The following APEH variants were observed in gnomAD, a reference collection of about 807,000 sequenced individuals.
APEH encodes acylaminoacyl-peptide hydrolase, also known as acylamino-acid-releasing enzyme.
APEH carries 75 observed loss-of-function variants against 102.7 expected under a neutral mutation model. The ratio of observed to expected loss-of-function variants is 0.73; its 90% CI spans 0.61 to 0.89. APEH has a LOEUF of 0.89. Among genes scored for constraint, APEH ranks in the 40% least tolerant of loss-of-function variants. The pLI is 0.00. For missense variants in APEH, 863 were observed against 941.2 expected (o/e 0.92, Z 1.09); for synonymous variants, 344 against 362.7 (o/e 0.95, Z 0.59).
In APEH at chr3:49,674,487, A is replaced by G; in HGVS notation, c.13-2A>G. 1 of 1,571,012 alleles carries G rather than the reference A, an allele frequency of 6.4e-7. No homozygotes were observed. The highest frequency in any genetic ancestry group is 8.6e-7 in the Non-Finnish European group (1 of 1,164,852). On this transcript the variant is annotated splice_acceptor_variant, in intron 1 of 21. Transcript: ENST00000296456. LOFTEE classifies it high-confidence loss of function. ...CCTGACCCTGGTGTGTCCCCTGCGC[A>G]GGTGCTGCTGAGCGAGCCCGAGGAG...
At chr3:49,680,475 T>C (rs2053267754) in intron 13 of APEH, 66 bp from the exon 14 acceptor site, 1 of 1,428,590 alleles carries the variant, frequency 7.0e-7, no homozygotes, top group African/African-American at 1.4e-5. Context: ...GGGACTCTGT[T>C]ACAGAGAAGC....
chr3:49,681,117 C>T lies in APEH; in HGVS notation c.1316C>T (p.Pro439Leu). ...CCTTGGCAGAAAGTTGGGTTCCTGC[C>T]TTCTGCAGGGAAGGAGCAGTCAGTG... ...LPPTLKVGFL[P>L]SAGKEQSVLW... Residue 439 changes from proline (P) to leucine (L), a missense_variant, in exon 15 of 22, where the codon CCT becomes CTT. Transcript: ENST00000296456. 1 of 1,592,820 alleles carries T rather than the reference C, an allele frequency of 6.3e-7. No homozygotes were observed. The highest frequency in any genetic ancestry group is 8.6e-7 in the Non-Finnish European group (1 of 1,168,896).
rs2053429411 is a variant in APEH, at chr3:49,683,119, C to T, written c.2066C>T (p.Ala689Val). The change falls in exon 21 of 22, where the codon GCC (alanine) becomes GTC (valine). Residue 689 changes from alanine to valine, a missense_variant. Coordinates refer to ENST00000296456, the MANE Select transcript of APEH (RefSeq NM_001640.4). ...AAGCAGGGCATGGAGTATTACCGTG[C>T]CCTCAAGACCCGGAATGTGCCTGTT... Reference protein sequence around the residue: ...PFKQGMEYYRALKTRNVPVRL... With the variant: ...PFKQGMEYYRVLKTRNVPVRL... 1 of 1,613,988 alleles carries T rather than the reference C, an allele frequency of 6.2e-7. No individual in the cohort carries two copies. The highest frequency in any genetic ancestry group is 8.5e-7 in the Non-Finnish European group (1 of 1,180,038).
chr3:49,679,663 A>C lies in APEH; in HGVS notation c.1210+19A>C. 2.5e-6 allele frequency: 4 copies of C among 1,612,542 alleles called. No individual in the cohort carries two copies. Among genetic ancestry groups the C allele is most frequent in the Non-Finnish European group, 3.4e-6 (4 of 1,178,846 alleles). ...ACAGCTGGTGAGCAAGGCTTTGGGG[A>C]TGGGGGTAAGGGCAGGGCTGGTGAG... On this transcript the variant is annotated intron_variant, in intron 13 of 21. Transcript: ENST00000296456. This position sits in a 1 kb window ranked among gnomAD's most constrained non-coding sequence, Gnocchi z 4.3.
intron 11 of APEH, 112 bp downstream of exon 11, chr3:49,677,745 C>A: frequency 9.3e-7 from 1 of 1,076,728 alleles, no homozygotes; most frequent in South Asian, 1.3e-5. Context: ...AGGGCCCTAC[C>A]TCCCTGCTGG....
intron 11 of APEH, among the ~76,000 whole-genome samples, chr3:49,678,139 C>T (rs894049882): frequency 3.3e-5 from 5 of 152,152 alleles, no homozygotes; most frequent in African/African-American, 9.7e-5. Context: ...GAGAGGCTCC[C>T]GTCTCGAGTG....
rs2960548 is a variant in APEH, at chr3:49,682,960, C to T, written c.1986+15C>T. The T allele has an allele frequency of 1.7e-5, 27 of 1,611,808 alleles. No individual in the cohort carries two copies. The highest frequency in any genetic ancestry group is 2.3e-5 in the Non-Finnish European group (27 of 1,178,794). ...ACATCCCTCAGGTATGCAGCCCCCT[C>T]CTTGCCCTGTGTGCTGCCCATCCAT... On this transcript the variant is annotated intron_variant, in intron 20 of 21. Coordinates refer to ENST00000296456, the MANE Select transcript of APEH (RefSeq NM_001640.4).
chr3:49,682,019 G>A (rs751991912), intron 17 of APEH, 52 bp downstream of exon 17: 2 of 1,564,746 alleles, frequency 1.3e-6, no homozygotes, highest in East Asian at 2.2e-5. Flanking sequence ...GAGTGACGGG[G>A]GTGGACCTGG....
At position 49,679,024 on chromosome 3, in the gene APEH, G is replaced by C; in HGVS notation, c.1158+75G>C. ...GGAGCCCTGGGGGTTGCATGTGCAT[G>C]CCCCTGGGTGGAATGCCCAGCCACA... On this transcript the variant is annotated intron_variant, in intron 12 of 21. Transcript: ENST00000296456. This position sits in a 1 kb window ranked among gnomAD's most constrained non-coding sequence, Gnocchi z 4.3. 1 of 1,215,408 alleles carries C rather than the reference G, an allele frequency of 8.2e-7. No individual in the cohort carries two copies. The highest frequency in any genetic ancestry group is 1.2e-6 in the Non-Finnish European group (1 of 841,280). 75.3% of individuals were successfully genotyped at this position (1,215,408 alleles called of 1,614,324 possible).
chr3:49,680,652 C>G lies in APEH; in HGVS notation c.1299+23C>G, dbSNP rs200703701. ...CTGGTGAGTGTCGGTGGGTCCCAGGCTGTGGAGGCAGGGGTTCTGGGCAGG... is the reference window on the plus strand; with the variant it reads ...CTGGTGAGTGTCGGTGGGTCCCAGGGTGTGGAGGCAGGGGTTCTGGGCAGG... On this transcript the variant is annotated intron_variant, in intron 14 of 21. Transcript: ENST00000296456. The G allele has an allele frequency of 4.9e-4, 781 of 1,605,140 alleles. 4 individuals are homozygous for G. In the African/African-American group the frequency reaches 9.2e-3, roughly 19 times the overall value.
intron 12 of APEH, 32 bp downstream of exon 12, chr3:49,678,981 CCCTGT>C (rs1372839150): frequency 6.3e-7 from 1 of 1,583,954 alleles, no homozygotes; most frequent in South Asian, 1.1e-5. Context: ...GAGGGGCAGC[CCCTGT>C]GGTCAACCCC....
In APEH at chr3:49,683,359, A is replaced by G. The variant is rs934747891; in HGVS notation, c.*17A>G. On this transcript the variant is annotated 3_prime_UTR_variant, in exon 22 of 22. Coordinates refer to ENST00000296456, the MANE Select transcript of APEH (RefSeq NM_001640.4). ...GGCAGCTGAAGCCCTGCCATTCTGC[A>G]TGAGCTGATCAGCCTGTGCCACACT... is the stretch of plus-strand genomic sequence containing the variant. 6.3e-7 allele frequency: 1 copy of G among 1,594,196 alleles called. No homozygotes were observed. Among genetic ancestry groups the G allele is most frequent in the African/African-American group, 1.3e-5 (1 of 74,604 alleles).
At chr3:49,676,020 C>A in intron 5 of APEH, 36 bp from the exon 6 acceptor site, 5 of 1,614,162 alleles carry the variant, frequency 3.1e-6, no homozygotes, top group Non-Finnish European at 4.2e-6. Flanking sequence ...TAGCCGTAGC[C>A]CTGGGCCCCC....
chr3:49,680,989 G>A, intron 14 of APEH, 112 bp from the exon 15 acceptor site: 1 of 1,347,768 alleles, frequency 7.4e-7, no homozygotes, highest in Non-Finnish European at 1.0e-6. Context: ...GTACCTTCTG[G>A]AGGTGGGTAG....
chr3:49,674,680 G>T, intron 2 of APEH, 59 bp downstream of exon 2: 1 of 1,572,386 alleles, frequency 6.4e-7, no homozygotes, highest in Admixed American at 1.8e-5. Flanking sequence ...TGGGAAGGAA[G>T]GGGGTGTGGA....
At position 49,675,261 on chromosome 3, in the gene APEH, CAGT is replaced by C. The variant is rs2052973676; in HGVS notation, c.225_227del (p.Val77del). On this transcript the variant is annotated inframe_deletion, in exon 3 of 22. Coordinates refer to ENST00000296456, the MANE Select transcript of APEH (RefSeq NM_001640.4). ...TACCTGGTGTTCCATGACGGGGACT[CAGT>C]GGTGTTTGCAGGACCTGCAGGCAAC... The C allele has an allele frequency of 6.2e-7, 1 of 1,614,022 alleles. No homozygotes were observed. The highest frequency in any genetic ancestry group is 8.5e-7 in the Non-Finnish European group (1 of 1,179,996).
chr3:49,676,026 C>T (rs777989196), intron 5 of APEH, 30 bp from the exon 6 acceptor site: 2 of 1,613,900 alleles, frequency 1.2e-6, no homozygotes, highest in Admixed American at 1.7e-5. Flanking sequence ...TAGCCCTGGG[C>T]CCCCCCTGAT....
chr3:49,679,538 G>A lies in APEH; in HGVS notation c.1159-55G>A. ...AGAGGAGGTAGGGGAGGGACCCATA[G>A]GTAGAGGGAGTACTCTTGGATGTGG... is the stretch of plus-strand genomic sequence containing the variant. On this transcript the variant is annotated intron_variant, in intron 12 of 21. Transcript: ENST00000296456. The surrounding 1 kb of genome is among the most constrained non-coding windows in gnomAD (Gnocchi z 4.3). 1.3e-6 allele frequency: 2 copies of A among 1,589,654 alleles called. No homozygotes were observed. Among genetic ancestry groups the A allele is most frequent in the Non-Finnish European group, 1.7e-6 (2 of 1,158,552 alleles).
intron 10 of APEH, 29 bp downstream of exon 10, chr3:49,677,053 G>A (rs1333358958): frequency 1.2e-5 from 19 of 1,613,646 alleles, no homozygotes; most frequent in Middle Eastern, 1.7e-4. Flanking sequence ...GGATGGGAGG[G>A]TGGTCAGCAA....
Sources: allele counts gnomAD v4.1 joint callset (sites outside exome capture counted in the v4.1 genomes callset), GRCh38; gene constraint gnomAD v4.1.1; non-coding constraint Gnocchi (gnomAD v3.1); transcripts MANE v1.5; gene names NCBI Gene and HGNC (gene_info 2026-07-23, HGNC 2026-07-21).